Variants in TPX2 observed in about 807,000 individuals in gnomAD.
TPX2 encodes TPX2 microtubule nucleation factor.
In TPX2, 21 loss-of-function variants were observed where a neutral mutation model predicts 93.6. That is an observed-to-expected ratio of 0.22 (90% CI 0.16 to 0.32). The LOEUF is 0.32. TPX2 is among the 10% of genes least tolerant of loss of function. TPX2 has a pLI of 1.00. For missense variants in TPX2, 776 were observed against 871.1 expected (o/e 0.89, Z 1.37); for synonymous variants, 281 against 298.3 (o/e 0.94, Z 0.60).
intron 2 of TPX2, among the ~76,000 whole-genome samples, chr20:31,747,913 A>G (rs2061794264): frequency 6.6e-6 from 1 of 150,816 alleles, no homozygotes; most frequent in Non-Finnish European, 1.5e-5. Flanking sequence ...TCCATTTCCC[A>G]CTAGGCCCTG....
rs143042246 is a variant in TPX2 at position 31,792,103 on chromosome 20, A to G, written c.1414-632A>G. On this transcript the variant is annotated intron_variant, in intron 12 of 17. Coordinates refer to ENST00000300403, the MANE Select transcript of TPX2 (RefSeq NM_012112.5). Reference sequence around the variant, plus strand: ...GTTGAATGTGTTGGAATTATGAGATATAAGGCTGGGTACAGTGGTTCACGT... The same window carrying G: ...GTTGAATGTGTTGGAATTATGAGATGTAAGGCTGGGTACAGTGGTTCACGT... Among the ~76,000 whole-genome samples the G allele has an allele frequency of 3.1e-3, 479 of 152,342 alleles. 5 individuals are homozygous for G. Among genetic ancestry groups the G allele is most frequent in the African/African-American group, 0.011 (464 of 41,580 alleles).
chr20:31,777,714 T>C (rs745711312), intron 9 of TPX2, 76 bp downstream of exon 9: 8 of 1,457,718 alleles, frequency 5.5e-6, no homozygotes, highest in Non-Finnish European at 7.5e-6. Flanking sequence ...TTGTGGTCAC[T>C]GTTTATAATA....
chr20:31,778,127 C>G (rs931704278), intron 9 of TPX2, among the ~76,000 whole-genome samples: 1 of 152,170 alleles, frequency 6.6e-6, no homozygotes, highest in African/African-American at 2.4e-5. Context: ...AGTCAAATCT[C>G]ATGCAGTTTT....
intron 2 of TPX2, among the ~76,000 whole-genome samples, chr20:31,755,617 G>A (rs2061847043): frequency 6.6e-6 from 1 of 151,934 alleles, no homozygotes; most frequent in Admixed American, 6.6e-5. Flanking sequence ...CAAAAAATTA[G>A]CAAGGTGTGG....
intron 7 of TPX2, among the ~76,000 whole-genome samples, chr20:31,773,870 A>ATTTT (rs530579680): frequency 7.0e-6 from 1 of 142,276 alleles, no homozygotes; most frequent in African/African-American, 2.6e-5. Context: ...GAACATTTGG[A>ATTTT]TTTTTTTTTT....
In TPX2 at chr20:31,801,204, T is replaced by C; in HGVS notation, c.*124T>C. The C allele has an allele frequency of 1.3e-6, 1 of 780,174 alleles. No homozygotes were observed. Among genetic ancestry groups the C allele is most frequent in the Non-Finnish European group, 2.1e-6 (1 of 476,040 alleles). 48.3% of individuals were successfully genotyped at this position (780,174 alleles called of 1,614,324 possible). ...ATTTCTCCAGACTTTTACCTACCCG[T>C]GCCTGAGAAAGCATACTTGACAACT... On this transcript the variant is annotated 3_prime_UTR_variant, in exon 18 of 18. Coordinates refer to ENST00000300403, the MANE Select transcript of TPX2 (RefSeq NM_012112.5).
chr20:31,779,100 C>A, intron 10 of TPX2, 116 bp downstream of exon 10: 2 of 1,162,554 alleles, frequency 1.7e-6, no homozygotes, highest in Non-Finnish European at 2.4e-6. Flanking sequence ...TAAAGTATGG[C>A]GTGTGACTAT....
At chr20:31,785,398 C>A (rs966153286) in intron 12 of TPX2, among the ~76,000 whole-genome samples, 1 of 151,988 alleles carries the variant, frequency 6.6e-6, no homozygotes, top group Non-Finnish European at 1.5e-5. Flanking sequence ...AAGGGCTCAA[C>A]GTTTAGTTTT....
chr20:31,797,474 A>G lies in TPX2; in HGVS notation c.1904A>G (p.Gln635Arg), dbSNP rs1487207615. 2 of 1,614,042 alleles carry G rather than the reference A, an allele frequency of 1.2e-6. No homozygotes were observed. The highest frequency in any genetic ancestry group is 1.3e-5 in the African/African-American group (1 of 74,946). Residue 635 changes from glutamine to arginine, a missense_variant, in exon 16 of 18, where the codon CAG (glutamine) becomes CGG (arginine). Physicochemically the swap from Gln to Arg is conservative, Grantham distance 43. Transcript: ENST00000300403. ...FKARPNTVIS[Q>R]EPFVPKKEKK... ...GCTCGTCCAAACACCGTCATCTCTCAGGAGCCCTTTGTTCCCAAGAAAGAG... is the reference window on the plus strand; with the variant it reads ...GCTCGTCCAAACACCGTCATCTCTCGGGAGCCCTTTGTTCCCAAGAAAGAG...
intron 11 of TPX2, 54 bp from the exon 12 acceptor site, chr20:31,783,651 A>C (rs6060943): frequency 0.073 from 111,121 of 1,525,822 alleles, 4,548 homozygotes; most frequent in African/African-American, 0.14. Context: ...TTGTTTGTGA[A>C]GTTTTCATTT....
intron 4 of TPX2, among the ~76,000 whole-genome samples, chr20:31,763,567 C>A (rs751313631): frequency 5.3e-5 from 8 of 151,986 alleles, no homozygotes; most frequent in Non-Finnish European, 1.2e-4. Context: ...AGTGAAATCT[C>A]AGACTGTAAT....
intron 7 of TPX2, among the ~76,000 whole-genome samples, chr20:31,775,449 C>T (rs2061990197): frequency 6.6e-6 from 1 of 151,718 alleles, no homozygotes; most frequent in Non-Finnish European, 1.5e-5. Flanking sequence ...GATCTTGGCT[C>T]CCTGCAACCT....
At chr20:31,745,455 G>A (rs1354657298) in intron 2 of TPX2, among the ~76,000 whole-genome samples, 1 of 151,124 alleles carries the variant, frequency 6.6e-6, no homozygotes, top group Non-Finnish European at 1.5e-5. Context: ...TCAGCCTCCC[G>A]AGTAGCTAGG....
At chr20:31,747,772 T>C (rs1350558268) in intron 2 of TPX2, among the ~76,000 whole-genome samples, 1 of 149,188 alleles carries the variant, frequency 6.7e-6, no homozygotes, top group Non-Finnish European at 1.5e-5. Context: ...CATGTGCCTT[T>C]TTTTTTTTTT....
chr20:31,766,964 G>A (rs1386492854), intron 5 of TPX2, among the ~76,000 whole-genome samples: 2 of 151,670 alleles, frequency 1.3e-5, no homozygotes, highest in African/African-American at 4.8e-5. Context: ...ACCACACCCG[G>A]CTAATTTTTG....
intron 4 of TPX2, among the ~76,000 whole-genome samples, chr20:31,766,271 T>A (rs1600370515): frequency 6.6e-6 from 1 of 152,328 alleles, no homozygotes; most frequent in African/African-American, 2.4e-5. Context: ...CAGAATTTTA[T>A]CTTTACCAGT....
In TPX2 at chr20:31,757,450, C is replaced by G; in HGVS notation, c.-27C>G. On this transcript the variant is annotated 5_prime_UTR_variant, in exon 3 of 18. Coordinates refer to ENST00000300403, the MANE Select transcript of TPX2 (RefSeq NM_012112.5). ...AAGTGGTACAAATACTGGGAAAAAC[C>G]TGCTCTTCTGCGTTAAGTGGGAGAC... 1 of 1,585,602 alleles carries G rather than the reference C, an allele frequency of 6.3e-7. No individual in the cohort carries two copies.
chr20:31,777,387 T>A lies in TPX2; in HGVS notation c.731-100T>A, dbSNP rs191602256. On this transcript the variant is annotated intron_variant, in intron 8 of 17. Transcript: ENST00000300403. ...CAGGTAGATAGTAAGCAAAGTTAGATCCATGGTGACAGAAATAGCAAAAGG... is the reference window on the plus strand; with the variant it reads ...CAGGTAGATAGTAAGCAAAGTTAGAACCATGGTGACAGAAATAGCAAAAGG... The A allele has an allele frequency of 2.0e-4, 283 of 1,425,954 alleles. No homozygotes were observed. In the African/African-American group the frequency reaches 3.6e-3, roughly 18 times the overall value. The allele number at this position is 1,425,954 out of a possible 1,614,324, so 88.3% of individuals were successfully genotyped here.
intron 2 of TPX2, among the ~76,000 whole-genome samples, chr20:31,750,025 C>G (rs1166163254): frequency 6.6e-6 from 1 of 152,018 alleles, no homozygotes. Flanking sequence ...GGAACCTCCT[C>G]CTCCCGGGTT....
Sources: allele counts gnomAD v4.1 joint callset (sites outside exome capture counted in the v4.1 genomes callset), GRCh38; gene constraint gnomAD v4.1.1; transcripts MANE v1.5; gene names NCBI Gene and HGNC (gene_info 2026-07-23, HGNC 2026-07-21).